Variants in NLGN1 observed in about 807,000 individuals in gnomAD.
NLGN1 encodes the protein neuroligin 1, also known as neuroligin-1.
A neutral mutation model predicts 65.5 loss-of-function variants in NLGN1; 12 were observed. That is an observed-to-expected ratio of 0.18 (90% CI 0.12 to 0.30). The LOEUF (loss-of-function observed/expected upper bound fraction) is 0.30, where lower values mean the gene tolerates loss of function less well. Ranked by LOEUF, NLGN1 falls within the 10% of genes least tolerant of loss-of-function variation. The pLI is 1.00. For missense variants in NLGN1, 750 were observed against 1,007.1 expected (o/e 0.74, Z 3.46); for synonymous variants, 350 against 359.5 (o/e 0.97, Z 0.30).
intron 3 of NLGN1, among the ~76,000 whole-genome samples, chr3:173,662,272 G>A (rs1008801834): frequency 1.3e-5 from 2 of 151,916 alleles, no homozygotes; most frequent in African/African-American, 2.4e-5. Flanking sequence ...TAATACATAC[G>A]GCAGTAATAA....
intron 4 of NLGN1, among the ~76,000 whole-genome samples, chr3:173,923,278 G>C (rs1742394810): frequency 2.0e-5 from 3 of 152,058 alleles, no homozygotes; most frequent in African/African-American, 7.2e-5. Context: ...CTGTTTTGTG[G>C]TAATTGTTTT....
intron 1 of NLGN1, among the ~76,000 whole-genome samples, chr3:173,424,899 G>T (rs1310509160): frequency 6.6e-6 from 1 of 152,168 alleles, no homozygotes; most frequent in Non-Finnish European, 1.5e-5. Flanking sequence ...CTTTGTGGCA[G>T]TACTCCACTT....
intron 3 of NLGN1, among the ~76,000 whole-genome samples, chr3:173,722,051 T>G (rs1770925493): frequency 6.6e-6 from 1 of 152,054 alleles, no homozygotes; most frequent in Non-Finnish European, 1.5e-5. Flanking sequence ...TGCCTTAGAA[T>G]GGAGAAACAC....
chr3:173,420,322 C>T (rs957400146), intron 1 of NLGN1, among the ~76,000 whole-genome samples: 2 of 139,448 alleles, frequency 1.4e-5, no homozygotes, highest in Non-Finnish European at 3.1e-5. Context: ...TGAGAACATG[C>T]GGTGTTTGGT....
chr3:173,808,872 C>A (rs1717260484), intron 4 of NLGN1, among the ~76,000 whole-genome samples: 1 of 151,986 alleles, frequency 6.6e-6, no homozygotes, highest in African/African-American at 2.4e-5. Flanking sequence ...ATCTTTTATC[C>A]ACGTTGAGAA....
intron 4 of NLGN1, among the ~76,000 whole-genome samples, chr3:173,930,741 TA>T (rs1743942944): frequency 6.6e-6 from 1 of 152,182 alleles, no homozygotes; most frequent in African/African-American, 2.4e-5. Context: ...CAGTGTCTTT[TA>T]AACACCCTAT....
intron 4 of NLGN1, among the ~76,000 whole-genome samples, chr3:174,215,766 A>T (rs1737477134): frequency 6.6e-6 from 1 of 152,190 alleles, no homozygotes; most frequent in Non-Finnish European, 1.5e-5. Context: ...ATCTAACAGA[A>T]GGGCAGTGTG....
intron 4 of NLGN1, among the ~76,000 whole-genome samples, chr3:174,231,391 G>A (rs1223927963): frequency 6.6e-6 from 1 of 152,192 alleles, no homozygotes; most frequent in Non-Finnish European, 1.5e-5. Context: ...TTACAGCTCA[G>A]CGTTGGACTT....
chr3:173,928,650 C>T (rs1336500183), intron 4 of NLGN1, among the ~76,000 whole-genome samples: 2 of 150,754 alleles, frequency 1.3e-5, no homozygotes, highest in Non-Finnish European at 2.9e-5. Context: ...GAGGTATGCT[C>T]ACAATAGATT....
Position 173,807,837 on chromosome 3 carries a change from GAAGAGTCTC to G in NLGN1, c.646+6_646+14del. The G allele has an allele frequency of 6.2e-7, 1 of 1,612,328 alleles. No homozygotes were observed. Among genetic ancestry groups the G allele is most frequent in the Non-Finnish European group, 8.5e-7 (1 of 1,178,492 alleles). On this transcript the variant is annotated splice_donor_region_variant and intron_variant, in intron 4 of 6. Transcript: ENST00000457714. ...ACTATCGACTTGGAGTACTCGGTAA[GAAGAGTCTC>G]TCTTTTGTTTTCACCATGAATCCAT...
In NLGN1 at chr3:173,613,361, T is replaced by C. The variant is rs115354495; in HGVS notation, c.493+8270T>C. On this transcript the variant is annotated intron_variant, in intron 3 of 6. Transcript: ENST00000457714. ...AATGTGATAGCTCCCTTTACCACGA[T>C]GACCCTTCCTACAGATAATGAATTT... is the stretch of plus-strand genomic sequence containing the variant. Among the ~76,000 whole-genome samples, 523 of 152,268 alleles carry C rather than the reference T, an allele frequency of 3.4e-3. 1 individual carries two copies. Among genetic ancestry groups the C allele is most frequent in the African/African-American group, 0.012 (505 of 41,578 alleles).
intron 4 of NLGN1, among the ~76,000 whole-genome samples, chr3:174,035,511 C>T (rs1007253432): frequency 6.6e-6 from 1 of 152,162 alleles, no homozygotes; most frequent in African/African-American, 2.4e-5. Context: ...ACATGTAATC[C>T]TGGTGGCAGT....
At chr3:174,123,449 G>A (rs1718204281) in intron 4 of NLGN1, among the ~76,000 whole-genome samples, 1 of 151,962 alleles carries the variant, frequency 6.6e-6, no homozygotes, top group Non-Finnish European at 1.5e-5. Context: ...TTCTGCCTTG[G>A]GGTTTCTTCC....
At chr3:174,202,065 C>G (rs1734607880) in intron 4 of NLGN1, among the ~76,000 whole-genome samples, 3 of 152,030 alleles carry the variant, frequency 2.0e-5, no homozygotes, top group Admixed American at 2.0e-4. Context: ...CAATTCACTT[C>G]TTTATATCTC....
chr3:173,920,117 T>G (rs1741680162), intron 4 of NLGN1, among the ~76,000 whole-genome samples: 1 of 151,906 alleles, frequency 6.6e-6, no homozygotes, highest in African/African-American at 2.4e-5. Flanking sequence ...ATCTTCAGGC[T>G]GAAAGGGCAG....
intron 2 of NLGN1, among the ~76,000 whole-genome samples, chr3:173,573,735 A>C (rs1745018120): frequency 6.6e-6 from 1 of 151,560 alleles, no homozygotes; most frequent in Non-Finnish European, 1.5e-5. Context: ...AGGATAGAGA[A>C]AAAAATTTTG....
chr3:173,425,685 A>G (rs549608094), intron 1 of NLGN1, among the ~76,000 whole-genome samples: 13 of 152,098 alleles, frequency 8.5e-5, no homozygotes, highest in African/African-American at 3.1e-4. Context: ...GTGCTATTCC[A>G]TTAGTTTTTG....
intron 2 of NLGN1, among the ~76,000 whole-genome samples, chr3:173,480,610 A>T (rs1192128211): frequency 6.6e-6 from 1 of 152,138 alleles, no homozygotes. Flanking sequence ...CATCAACAGG[A>T]TTTAGTCTCA....
intron 4 of NLGN1, among the ~76,000 whole-genome samples, chr3:174,081,785 G>A (rs1434753604): frequency 6.6e-6 from 1 of 151,966 alleles, no homozygotes; most frequent in African/African-American, 2.4e-5. Context: ...TGATGAGGCT[G>A]GTCTCGAACT....
Sources: gnomAD v4.1 joint callset for allele counts (sites outside exome capture counted in the v4.1 genomes callset) on GRCh38, gnomAD v4.1.1 for gene constraint, MANE v1.5 for transcripts, NCBI Gene and HGNC (gene_info 2026-07-23, HGNC 2026-07-21) for gene names.